Variants in EPN1 observed in about 807,000 individuals in gnomAD.
EPN1 encodes the protein epsin-1.
A neutral mutation model predicts 56.9 loss-of-function variants in EPN1; 25 were observed. The ratio of observed to expected loss-of-function variants is 0.44; its 90% CI spans 0.32 to 0.61. EPN1 has a LOEUF of 0.61. Ranked by LOEUF, EPN1 falls within the 20% of genes least tolerant of loss-of-function variation. The probability of loss-of-function intolerance (pLI) is 0.05; values close to 1 mark genes in which losing one functional copy is unlikely to be tolerated. For synonymous variants in EPN1, 411 were observed against 361.8 expected, an observed-to-expected ratio of 1.14 and a Z score of -1.54; for missense variants, 785 against 823.7, an observed-to-expected ratio of 0.95 and a Z score of 0.58.
chr19:55,692,731 C>CG lies in EPN1; in HGVS notation c.1114dup (p.Ala372GlyfsTer35). On this transcript the variant is annotated frameshift_variant, in exon 8 of 11. Transcript: ENST00000270460. LOFTEE classifies it high-confidence loss of function. ...CCCTCAGCCTCCGATCCCTGGACACCGGCCCCGGCCTTCTCAGATCCCTGG... is the reference window on the plus strand; with the variant it reads ...CCCTCAGCCTCCGATCCCTGGACACCGGGCCCCGGCCTTCTCAGATCCCTGG... 6.4e-7 allele frequency: 1 copy of CG among 1,569,750 alleles called. No individual in the cohort carries two copies. The highest frequency in any genetic ancestry group is 8.6e-7 in the Non-Finnish European group (1 of 1,157,840).
rs1415860087 is a variant in EPN1, at chr19:55,696,069, T to A, written c.*713T>A. ...GGGACACCAGGATGAGGTCAGAGAG[T>A]GCACTGGGGTTCAGGGAGGAGAAGA... On this transcript the variant is annotated 3_prime_UTR_variant, in exon 11 of 11. Transcript: ENST00000270460. 6.6e-6 allele frequency: 1 copy of A among 152,284 alleles called. No homozygotes were observed. Among genetic ancestry groups the A allele is most frequent in the Non-Finnish European group, 1.5e-5 (1 of 68,220 alleles). The allele number at this position is 152,284 out of a possible 1,614,324, so 9.4% of individuals were successfully genotyped here. A position where few individuals can be genotyped will look rare whatever the true frequency, so the allele number is the denominator to read the frequency against.
chr19:55,701,689 C>T lies in EPN1; in HGVS notation c.*6333C>T, dbSNP rs1379012969. ...AAAACGGTCTTGTCTGTGGTAAATA[C>T]TAAGGTTTTTGGTCTCACAGCCGAG... is the stretch of plus-strand genomic sequence containing the variant. On this transcript the variant is annotated 3_prime_UTR_variant, in exon 11 of 11. Transcript: ENST00000270460. 6.6e-6 allele frequency: 1 copy of T among 152,120 alleles called. No homozygotes were observed. Among genetic ancestry groups the T allele is most frequent in the Non-Finnish European group, 1.5e-5 (1 of 68,048 alleles). 9.4% of individuals were successfully genotyped at this position (152,120 alleles called of 1,614,324 possible).
Position 55,703,005 on chromosome 19 carries a change from TAGCC to T in EPN1, c.*7652_*7655del, listed in dbSNP as rs1212080965. 6.6e-6 allele frequency: 1 copy of T among 152,136 alleles called. No homozygotes were observed. The highest frequency in any genetic ancestry group is 1.9e-4 in the East Asian group (1 of 5,168). 9.4% of individuals were successfully genotyped at this position (152,136 alleles called of 1,614,324 possible). A position where few individuals can be genotyped will look rare whatever the true frequency, so the allele number is the denominator to read the frequency against. On this transcript the variant is annotated 3_prime_UTR_variant, in exon 11 of 11. Coordinates refer to ENST00000270460, the MANE Select transcript of EPN1 (RefSeq NM_001130072.2). ...TAGTAGAGACGGGGTTTCACCGTGT[TAGCC>T]AGGATGGTCTCAATCTGACCTTGTG...
chr19:55,709,064 G>T lies in EPN1; in HGVS notation c.*13708G>T, dbSNP rs1987581059. ...TGCAGCCTGGGAAAATAGAAATAAAGTTTTTTTTTTTGTTTTTCATTTTTA... is the reference window on the plus strand; with the variant it reads ...TGCAGCCTGGGAAAATAGAAATAAATTTTTTTTTTTTGTTTTTCATTTTTA... On this transcript the variant is annotated 3_prime_UTR_variant, in exon 11 of 11. Coordinates refer to ENST00000270460, the MANE Select transcript of EPN1 (RefSeq NM_001130072.2). The T allele has an allele frequency of 9.5e-6, 12 of 1,260,632 alleles. No individual in the cohort carries two copies. The highest frequency in any genetic ancestry group is 8.8e-5 in the East Asian group (3 of 34,032). The allele number at this position is 1,260,632 out of a possible 1,614,324, so 78.1% of individuals were successfully genotyped here. A position where few individuals can be genotyped will look rare whatever the true frequency, so the allele number is the denominator to read the frequency against.
chr19:55,689,435 C>A lies in EPN1; in HGVS notation c.678+64C>A. The A allele has an allele frequency of 7.8e-7, 1 of 1,278,278 alleles. No homozygotes were observed. The highest frequency in any genetic ancestry group is 1.3e-5 in the South Asian group (1 of 78,732). The allele number at this position is 1,278,278 out of a possible 1,614,324, so 79.2% of individuals were successfully genotyped here. On this transcript the variant is annotated intron_variant, in intron 5 of 10. Transcript: ENST00000270460. The surrounding 1 kb of genome is among the most constrained non-coding windows in gnomAD (Gnocchi z 5.7). ...TCCCCTCAGACCAGCCCCGTCGCCC[C>A]TTCCTAAGTCACCCCCCACCATCCT...
Position 55,690,034 on chromosome 19 carries a change from G to A in EPN1, c.762+84G>A. ...TCATTCCTGCGTGGCCAGGTCCCTG[G>A]AGCAGAGACTGAAACACAAGGTCCT... On this transcript the variant is annotated intron_variant, in intron 6 of 10. Transcript: ENST00000270460. The A allele has an allele frequency of 2.3e-6, 3 of 1,303,532 alleles. No homozygotes were observed. In the South Asian group the frequency reaches 4.3e-5, roughly 18 times the overall value. The allele number at this position is 1,303,532 out of a possible 1,614,324, so 80.7% of individuals were successfully genotyped here. A position where few individuals can be genotyped will look rare whatever the true frequency, so the allele number is the denominator to read the frequency against.
At chr19:55,680,161 G>A (rs933075603) in intron 2 of EPN1, among the ~76,000 whole-genome samples, 1 of 152,186 alleles carries the variant, frequency 6.6e-6, no homozygotes, top group South Asian at 2.1e-4. Context: ...TGCCAGGCGG[G>A]GCTTGGGCTG....
In EPN1 at chr19:55,692,128, G is replaced by A. The variant is rs1033371363; in HGVS notation, c.1066+71G>A. 4 of 1,347,782 alleles carry A rather than the reference G, an allele frequency of 3.0e-6. No homozygotes were observed. The Admixed American group carries it at 1.4e-4, about 46-fold the overall frequency. 83.5% of individuals were successfully genotyped at this position (1,347,782 alleles called of 1,614,324 possible). A position where few individuals can be genotyped will look rare whatever the true frequency, so the allele number is the denominator to read the frequency against. ...CCTGTCTTTGGTTGACTGTGCCCTT[G>A]GACAGGGACAGATCGAGCCAGTGGC... On this transcript the variant is annotated intron_variant, in intron 7 of 10. Coordinates refer to ENST00000270460, the MANE Select transcript of EPN1 (RefSeq NM_001130072.2).
intron 1 of EPN1, among the ~76,000 whole-genome samples, chr19:55,675,882 A>T (rs982888050): frequency 2.0e-5 from 3 of 151,716 alleles, no homozygotes; most frequent in Non-Finnish European, 2.9e-5. Context: ...TTCGCATCTG[A>T]GTTTTGCCCC....
At chr19:55,679,071 G>A (rs779945030) in intron 2 of EPN1, among the ~76,000 whole-genome samples, 1 of 152,246 alleles carries the variant, frequency 6.6e-6, no homozygotes, top group Non-Finnish European at 1.5e-5. Context: ...TGGTGCGTAC[G>A]TAAGATTCAT....
chr19:55,684,135 T>G (rs752867894), intron 2 of EPN1, among the ~76,000 whole-genome samples: 67 of 152,214 alleles, frequency 4.4e-4, no homozygotes, highest in Non-Finnish European at 8.8e-4. Flanking sequence ...CTGTAAATAC[T>G]GTTAACACAC....
At chr19:55,688,299 G>A (rs532019725) in intron 3 of EPN1, among the ~76,000 whole-genome samples, 1 of 152,160 alleles carries the variant, frequency 6.6e-6, no homozygotes, top group East Asian at 1.9e-4. Context: ...CTCCTGGAGG[G>A]TCCGGCCCTG....
At chr19:55,677,414 C>A (rs574990870) in intron 1 of EPN1, 3 of 659,714 alleles carry the variant, frequency 4.5e-6, no homozygotes, top group Non-Finnish European at 8.0e-6. Context: ...TCTTGTTTCT[C>A]GTCACCAGTC....
chr19:55,692,870 G>A, intron 8 of EPN1, 74 bp downstream of exon 8: 1 of 1,593,352 alleles, frequency 6.3e-7, no homozygotes, highest in Non-Finnish European at 8.6e-7. Context: ...TGTCCTAAGG[G>A]AGGGGTGGAC....
chr19:55,685,328 G>GTA, intron 2 of EPN1, 68 bp from the exon 3 acceptor site: 1 of 1,551,896 alleles, frequency 6.4e-7, no homozygotes, highest in Admixed American at 1.9e-5. Flanking sequence ...CAGAGCCCGC[G>GTA]TCGCAGGCAG....
At position 55,701,393 on chromosome 19, in the gene EPN1, GAGCCGAGATTGCACTACTGCACTCC is replaced by G. The variant is rs1205981237; in HGVS notation, c.*6042_*6066del. 1 of 150,670 alleles carries G rather than the reference GAGCCGAGATTGCACTACTGCACTCC, an allele frequency of 6.6e-6. No homozygotes were observed. The highest frequency in any genetic ancestry group is 1.5e-5 in the Non-Finnish European group (1 of 67,902). The allele number at this position is 150,670 out of a possible 1,614,324, so 9.3% of individuals were successfully genotyped here. On this transcript the variant is annotated 3_prime_UTR_variant, in exon 11 of 11. Coordinates refer to ENST00000270460, the MANE Select transcript of EPN1 (RefSeq NM_001130072.2). ...GAACCCAGGAGGCGGAGGTTGTAGT[GAGCCGAGATTGCACTACTGCACTCC>G]AGCCTGGGTGACAGAGTGAGACCCT... is the stretch of plus-strand genomic sequence containing the variant.
In EPN1 at chr19:55,691,771, T is replaced by C; in HGVS notation, c.780T>C (p.Leu260=). The change falls in exon 7 of 11, where the codon CTT becomes CTC. Residue 260 remains leucine (L), a synonymous_variant. Transcript: ENST00000270460. This position sits in a 1 kb window ranked among gnomAD's most constrained non-coding sequence, Gnocchi z 5.6. ...CCCCACAGTCGTCCCTCATGGACCT[T>C]GCTGACGTCTTCACGGCCCCAGCTC... ...GGKEESSLMD[L]ADVFTAPAPA... 1 of 1,612,770 alleles carries C rather than the reference T, an allele frequency of 6.2e-7. No homozygotes were observed. Among genetic ancestry groups the C allele is most frequent in the Non-Finnish European group, 8.5e-7 (1 of 1,179,322 alleles).
At chr19:55,686,306 GC>G (rs1188884330) in intron 3 of EPN1, among the ~76,000 whole-genome samples, 2 of 152,356 alleles carry the variant, frequency 1.3e-5, no homozygotes, top group African/African-American at 4.8e-5. Context: ...TTGGTCGGGG[GC>G]TCACAGCCGT....
Position 55,689,354 on chromosome 19 carries a change from C to T in EPN1, c.661C>T (p.Arg221Ter), listed in dbSNP as rs1430231224. The T allele has an allele frequency of 1.9e-6, 3 of 1,551,746 alleles. No individual in the cohort carries two copies. Among genetic ancestry groups the T allele is most frequent in the African/African-American group, 1.4e-5 (1 of 73,022 alleles). Reference protein sequence around the residue: ...AQLQLALSLSREEHDKEERIR... With the variant: ...AQLQLALSLS Reference sequence around the variant, plus strand: ...GCTCCAGCTGGCCCTTAGTTTGAGCCGAGAAGAGCATGATAAGGTCAGAGC... The same window carrying T: ...GCTCCAGCTGGCCCTTAGTTTGAGCTGAGAAGAGCATGATAAGGTCAGAGC... The change falls in exon 5 of 11, where the codon CGA becomes TGA. Residue 221 changes from arginine (R) to a stop codon, truncating the protein, a stop_gained. Transcript: ENST00000270460. LOFTEE classifies it high-confidence loss of function. This position sits in a 1 kb window ranked among gnomAD's most constrained non-coding sequence, Gnocchi z 5.7.
Sources: allele counts gnomAD v4.1 joint callset (sites outside exome capture counted in the v4.1 genomes callset), GRCh38; gene constraint gnomAD v4.1.1; non-coding constraint Gnocchi (gnomAD v3.1); transcripts MANE v1.5; gene names NCBI Gene and HGNC (gene_info 2026-07-23, HGNC 2026-07-21).